ANKRD11: variants seen among roughly 807,000 people sequenced by gnomAD.
ANKRD11 encodes ankyrin repeat domain 11, also known as ankyrin repeat domain-containing protein 11.
ANKRD11 carries 17 observed loss-of-function variants against 195.7 expected under a neutral mutation model. The ratio of observed to expected loss-of-function variants is 0.09; its 90% CI spans 0.06 to 0.13. ANKRD11 has a LOEUF of 0.13. Among genes scored for constraint, ANKRD11 ranks in the 10% least tolerant of loss-of-function variants. ANKRD11 has a pLI of 1.00. For missense variants in ANKRD11, 3,735 were observed against 3,566.1 expected, an observed-to-expected ratio of 1.05 and a Z score of -1.21; for synonymous variants, 1,953 against 1,528.1, an observed-to-expected ratio of 1.28 and a Z score of -6.49.
At chr16:89,288,446 G>A (rs1292982521) in intron 7 of ANKRD11, 82 bp downstream of exon 7, 86 of 1,602,010 alleles carry the variant, frequency 5.4e-5, no homozygotes, top group Middle Eastern at 5.0e-4. Context: ...TCATGGAACC[G>A]GCTAGCTACG....
intron 1 of ANKRD11, among the ~76,000 whole-genome samples, chr16:89,435,796 TCACACACACACA>T (rs58503159): frequency 2.8e-4 from 40 of 143,110 alleles, no homozygotes; most frequent in African/African-American, 3.4e-4. Context: ...CACCAGCTCT[TCACACACACACA>T]CACACACACA....
intron 1 of ANKRD11, among the ~76,000 whole-genome samples, chr16:89,463,024 C>T (rs1368243601): frequency 6.7e-6 from 1 of 149,746 alleles, no homozygotes; most frequent in East Asian, 2.0e-4. Flanking sequence ...CCCGCCAGGC[C>T]AGCCGCCCCA....
chr16:89,308,889 C>A lies in ANKRD11; in HGVS notation c.88-3545G>T, dbSNP rs62070789. On this transcript the variant is annotated intron_variant, in intron 3 of 12. Coordinates refer to ENST00000301030, the MANE Select transcript of ANKRD11 (RefSeq NM_013275.6). The stretch of plus-strand genomic sequence containing the variant: ...GAAAATGGGGTGCGCGCAGTAAACA[C>A]AGGAGGTGCGCGCAGCCTCGTGGAG... Among the ~76,000 whole-genome samples the A allele has an allele frequency of 3.3e-3, 499 of 152,260 alleles. 1 individual carries two copies. The highest frequency in any genetic ancestry group is 6.8e-3 in the Middle Eastern group (2 of 294).
rs1379777680 is a variant in ANKRD11, at chr16:89,475,828, T to A, written c.-145+14417A>T. Among the ~76,000 whole-genome samples the A allele has an allele frequency of 4.6e-5, 7 of 151,658 alleles. No individual in the cohort carries two copies. The East Asian group carries it at 1.4e-3, about 29-fold the overall frequency. ...ATTTTGGGAAGCCAAGGTGGGTGGA[T>A]CAATTGAGGTGAGGAGTTCAAGACC... On this transcript the variant is annotated intron_variant, in intron 1 of 12. Transcript: ENST00000301030.
chr16:89,430,864 T>C (rs1007566553), intron 1 of ANKRD11, among the ~76,000 whole-genome samples: 8 of 152,220 alleles, frequency 5.3e-5, no homozygotes, highest in African/African-American at 1.7e-4. Context: ...CTGAGAATCA[T>C]CATGTTCGTC....
intron 1 of ANKRD11, among the ~76,000 whole-genome samples, chr16:89,440,160 G>C (rs929247512): frequency 2.0e-5 from 3 of 152,308 alleles, no homozygotes; most frequent in African/African-American, 4.8e-5. Context: ...CAGTCCTCAA[G>C]GGGACAATGG....
intron 2 of ANKRD11, among the ~76,000 whole-genome samples, chr16:89,403,231 C>A (rs1454368345): frequency 1.3e-5 from 2 of 152,190 alleles, no homozygotes; most frequent in Non-Finnish European, 2.9e-5. Flanking sequence ...GCTTTACGGG[C>A]ACTGACAGGA....
chr16:89,449,540 T>C (rs552128269), intron 1 of ANKRD11, among the ~76,000 whole-genome samples: 1 of 152,206 alleles, frequency 6.6e-6, no homozygotes, highest in South Asian at 2.1e-4. Context: ...ATGCCTGTAA[T>C]CCGAGCACTT....
chr16:89,290,271 G>T (rs2034950416), intron 6 of ANKRD11, among the ~76,000 whole-genome samples: 1 of 143,342 alleles, frequency 7.0e-6, no homozygotes, highest in Non-Finnish European at 1.5e-5. Context: ...GGCTCCAATG[G>T]GGGTAGGCTC....
At chr16:89,365,603 G>C (rs974928344) in intron 2 of ANKRD11, among the ~76,000 whole-genome samples, 4 of 152,208 alleles carry the variant, frequency 2.6e-5, no homozygotes, top group African/African-American at 7.2e-5. Flanking sequence ...AATTGAAAAA[G>C]AGGTATGTTC....
intron 2 of ANKRD11, among the ~76,000 whole-genome samples, chr16:89,417,531 C>G (rs886255993): frequency 2.0e-5 from 3 of 152,164 alleles, no homozygotes; most frequent in Admixed American, 2.0e-4. Context: ...TCTCAAAAAA[C>G]ATGCCAGTGA....
intron 2 of ANKRD11, chr16:89,320,019 G>A (rs931103198): frequency 2.0e-5 from 3 of 152,358 alleles, no homozygotes; most frequent in Non-Finnish European, 2.9e-5. Flanking sequence ...CCGAGGAACC[G>A]TTACTCAGCC....
At chr16:89,313,287 G>T (rs1361511233) in intron 3 of ANKRD11, 1 of 1,281,758 alleles carries the variant, frequency 7.8e-7, no homozygotes, top group African/African-American at 1.5e-5. Context: ...ATGGGGTGGG[G>T]ACGACACTGT....
intron 2 of ANKRD11, among the ~76,000 whole-genome samples, chr16:89,383,294 C>G (rs1008816030): frequency 6.6e-6 from 1 of 152,208 alleles, no homozygotes; most frequent in Non-Finnish European, 1.5e-5. Context: ...TTAGGATTTC[C>G]AGGGAACCCC....
chr16:89,363,854 G>A (rs1180369458), intron 2 of ANKRD11, among the ~76,000 whole-genome samples: 1 of 151,948 alleles, frequency 6.6e-6, no homozygotes, highest in African/African-American at 2.4e-5. Flanking sequence ...CAAAAAGTTC[G>A]AGACCAGCCT....
At chr16:89,438,324 A>ATT (rs11435696) in intron 1 of ANKRD11, among the ~76,000 whole-genome samples, 1,711 of 149,198 alleles carry the variant, frequency 0.011, 43 homozygotes, top group African/African-American at 0.039. Context: ...GATAGGGAAC[A>ATT]TTTTTTTTTT....
intron 2 of ANKRD11, among the ~76,000 whole-genome samples, chr16:89,414,698 A>G (rs1567772295): frequency 6.6e-6 from 1 of 152,158 alleles, no homozygotes; most frequent in Non-Finnish European, 1.5e-5. Context: ...CCCATCACAC[A>G]AGGCTGTCGG....
At chr16:89,278,979 G>A (rs746198991) in intron 9 of ANKRD11, 93 bp downstream of exon 9, 44 of 1,552,544 alleles carry the variant, frequency 2.8e-5, no homozygotes, top group South Asian at 3.5e-5. Context: ...AGGGCCATGA[G>A]TGGGACAAGA....
At chr16:89,428,935 G>A (rs1486022064) in intron 1 of ANKRD11, among the ~76,000 whole-genome samples, 1 of 152,102 alleles carries the variant, frequency 6.6e-6, no homozygotes, top group Non-Finnish European at 1.5e-5. Context: ...CACTGTCCCT[G>A]AATGTGCACT....
Sources: allele counts gnomAD v4.1 joint callset (sites outside exome capture counted in the v4.1 genomes callset), GRCh38; gene constraint gnomAD v4.1.1; transcripts MANE v1.5; gene names NCBI Gene and HGNC (gene_info 2026-07-23, HGNC 2026-07-21).